Variants in NXPE2 observed in about 807,000 individuals in gnomAD.
NXPE2 encodes the protein NXPE family member 2.
NXPE2 carries 34 observed loss-of-function variants against 34.4 expected under a neutral mutation model. The observed-to-expected ratio is 0.99, with a 90% confidence interval of 0.75 to 1.31. The LOEUF (loss-of-function observed/expected upper bound fraction) is 1.31. Among genes scored for constraint, NXPE2 ranks in the 40% most tolerant of loss-of-function variants. The pLI is 0.00. For missense variants in NXPE2, 649 were observed against 672.5 expected, an observed-to-expected ratio of 0.97 and a Z score of 0.39; for synonymous variants, 235 against 231.3, an observed-to-expected ratio of 1.02 and a Z score of -0.15.
chr11:114,523,156 G>A, the NXPE2 span: 1 of 1,187,286 alleles, frequency 8.4e-7, no homozygotes, highest in Non-Finnish European at 1.2e-6. Context: ...CTTCTTTCCT[G>A]GTCTTTCATT....
At chr11:114,771,409 G>A in the NXPE2 span, among the ~76,000 whole-genome samples, 1 of 150,446 alleles carries the variant, frequency 6.6e-6, no homozygotes, top group Non-Finnish European at 1.5e-5. Flanking sequence ...AGGGGGACAG[G>A]TTGTTTTCAG....
chr11:114,746,164 C>T, the NXPE2 span, among the ~76,000 whole-genome samples: 2 of 152,000 alleles, frequency 1.3e-5, no homozygotes, highest in Non-Finnish European at 2.9e-5. Flanking sequence ...CTTTGGTGAA[C>T]TTCTGGTACA....
the NXPE2 span, among the ~76,000 whole-genome samples, chr11:114,579,297 C>T: frequency 1.4e-4 from 21 of 152,212 alleles, no homozygotes; most frequent in African/African-American, 1.9e-4. Context: ...GATCCACCTC[C>T]GTGACCCAAA....
At chr11:114,498,451 ATAAT>A in the NXPE2 span, among the ~76,000 whole-genome samples, 5 of 152,174 alleles carry the variant, frequency 3.3e-5, no homozygotes, top group South Asian at 4.1e-4. Context: ...TGTATCTGTA[ATAAT>A]TAATAAAAAA....
the NXPE2 span, among the ~76,000 whole-genome samples, chr11:114,593,841 TATAAA>T: frequency 6.6e-6 from 1 of 152,174 alleles, no homozygotes; most frequent in Admixed American, 6.5e-5. Flanking sequence ...AGTATTCAGT[TATAAA>T]AAGAACAAGA....
chr11:114,695,788 C>T (rs979635242), intron 2 of NXPE2, among the ~76,000 whole-genome samples: 5 of 150,906 alleles, frequency 3.3e-5, no homozygotes, highest in East Asian at 1.9e-4. Flanking sequence ...GTCAGAAGTT[C>T]GCGACCAGCC....
chr11:114,577,114 CAT>C, the NXPE2 span, among the ~76,000 whole-genome samples: 29 of 132,132 alleles, frequency 2.2e-4, no homozygotes, highest in African/African-American at 7.1e-4. Flanking sequence ...TATATATACA[CAT>C]ATATATAAAG....
the NXPE2 span, among the ~76,000 whole-genome samples, chr11:114,658,113 A>G: frequency 6.6e-6 from 1 of 152,204 alleles, no homozygotes; most frequent in Non-Finnish European, 1.5e-5. Context: ...CGTCATAAAA[A>G]AGAAAAATCC....
Position 114,706,490 on chromosome 11 carries a change from G to C in NXPE2, c.1240G>C (p.Gly414Arg). The C allele has an allele frequency of 6.4e-7, 1 of 1,551,594 alleles. No individual in the cohort carries two copies. ...RHILIQWKKH[G>R]HPFVTKKLFS... Reference sequence around the variant, plus strand: ...TATTTTGATTCAGTGGAAAAAACATGGTCATCCATTTGTTACCAAAAAATT... The same window carrying C: ...TATTTTGATTCAGTGGAAAAAACATCGTCATCCATTTGTTACCAAAAAATT... Residue 414 changes from glycine to arginine, a missense_variant, in exon 6 of 6, where the codon GGT becomes CGT. Transcript: ENST00000389586.
the NXPE2 span, among the ~76,000 whole-genome samples, chr11:114,486,049 T>C: frequency 1.6e-4 from 24 of 152,252 alleles, no homozygotes; most frequent in Admixed American, 8.5e-4. Flanking sequence ...TCTATTTTTG[T>C]TTTTTTGAGG....
At chr11:114,718,481 A>G in the NXPE2 span, among the ~76,000 whole-genome samples, 2 of 152,220 alleles carry the variant, frequency 1.3e-5, no homozygotes, top group South Asian at 4.1e-4. Context: ...ACATGCAACA[A>G]TATGACTACC....
At chr11:114,802,634 T>C in the NXPE2 span, among the ~76,000 whole-genome samples, 1 of 152,158 alleles carries the variant, frequency 6.6e-6, no homozygotes, top group East Asian at 1.9e-4. Flanking sequence ...TTAATAATTA[T>C]TTTTTTCTTT....
chr11:114,710,165 C>T (rs966548464), downstream of NXPE2, among the ~76,000 whole-genome samples: 7 of 152,076 alleles, frequency 4.6e-5, no homozygotes, highest in African/African-American at 1.7e-4. Flanking sequence ...TGCAAATCAA[C>T]AGCCTAACTC....
chr11:114,635,878 C>A, the NXPE2 span, among the ~76,000 whole-genome samples: 1 of 151,906 alleles, frequency 6.6e-6, no homozygotes, highest in African/African-American at 2.4e-5. Context: ...AGTATTTTAT[C>A]GAGAATTTTT....
the NXPE2 span, among the ~76,000 whole-genome samples, chr11:114,729,689 C>T: frequency 3.3e-5 from 5 of 152,018 alleles, no homozygotes; most frequent in Non-Finnish European, 5.9e-5. Context: ...ATTCGTTGGC[C>T]ATGTGTATGT....
the NXPE2 span, among the ~76,000 whole-genome samples, chr11:114,607,519 G>A: frequency 6.6e-6 from 1 of 152,008 alleles, no homozygotes; most frequent in African/African-American, 2.4e-5. Flanking sequence ...TTTGCCTGGT[G>A]GGTAACCACT....
chr11:114,500,441 TCAGACAACCCATTAAAAA>T, the NXPE2 span, among the ~76,000 whole-genome samples: 2 of 152,128 alleles, frequency 1.3e-5, no homozygotes, highest in African/African-American at 2.4e-5. Flanking sequence ...GTCCTTTTGT[TCAGACAACCCATTAAAAA>T]AATGGGTTGT....
the NXPE2 span, among the ~76,000 whole-genome samples, chr11:114,756,574 C>T: frequency 2.6e-5 from 4 of 151,946 alleles, no homozygotes; most frequent in African/African-American, 9.7e-5. Context: ...ATAAAGAAAG[C>T]TTTCTTTATT....
At chr11:114,699,085 G>T (rs1565388740) in intron 3 of NXPE2, among the ~76,000 whole-genome samples, 1 of 152,084 alleles carries the variant, frequency 6.6e-6, no homozygotes, top group Admixed American at 6.6e-5. Context: ...GTGTTCCAGG[G>T]AATACTAATC....
Sources: allele counts gnomAD v4.1 joint callset (sites outside exome capture counted in the v4.1 genomes callset), GRCh38; gene constraint gnomAD v4.1.1; transcripts MANE v1.5; gene names NCBI Gene and HGNC (gene_info 2026-07-23, HGNC 2026-07-21).